The following FHIT variants were observed in gnomAD, a reference collection of about 807,000 sequenced individuals.
The protein encoded by FHIT is fragile histidine triad diadenosine triphosphatase.
Under a neutral mutation model 17.9 loss-of-function variants are expected in FHIT, and 19 were observed. That is an observed-to-expected ratio of 1.06 (90% CI 0.74 to 1.56). FHIT has a LOEUF of 1.56. Among genes scored for constraint, FHIT ranks in the 40% most tolerant of loss-of-function variants. The probability of loss-of-function intolerance (pLI) is 0.00; values close to 1 mark genes in which losing one functional copy is unlikely to be tolerated. For synonymous variants in FHIT, 81 were observed against 69.7 expected, an observed-to-expected ratio of 1.16 and a Z score of -0.81; for missense variants, 248 against 189.2, an observed-to-expected ratio of 1.31 and a Z score of -1.82.
At chr3:59,839,249 C>T (rs979276885) in intron 8 of FHIT, among the ~76,000 whole-genome samples, 1 of 149,892 alleles carries the variant, frequency 6.7e-6, no homozygotes, top group African/African-American at 2.5e-5. Context: ...ACCCGGGATG[C>T]AGAGGTTGCA....
intron 1 of FHIT, among the ~76,000 whole-genome samples, chr3:61,214,860 A>G (rs1422428358): frequency 2.0e-5 from 3 of 152,234 alleles, no homozygotes; most frequent in Non-Finnish European, 4.4e-5. Context: ...AATGTATGCA[A>G]ATCAGTAAAT....
At chr3:59,944,602 G>T (rs533253213) in intron 7 of FHIT, among the ~76,000 whole-genome samples, 1 of 151,838 alleles carries the variant, frequency 6.6e-6, no homozygotes, top group Non-Finnish European at 1.5e-5. Context: ...CAGGGGTTTC[G>T]TATAAATATT....
intron 5 of FHIT, among the ~76,000 whole-genome samples, chr3:60,361,103 T>C (rs999529888): frequency 6.6e-6 from 1 of 152,210 alleles, no homozygotes; most frequent in African/African-American, 2.4e-5. Flanking sequence ...CATCCGTTCA[T>C]CCAATAAACA....
chr3:59,829,442 T>A (rs1465060274), intron 8 of FHIT, among the ~76,000 whole-genome samples: 1 of 152,152 alleles, frequency 6.6e-6, no homozygotes, highest in African/African-American at 2.4e-5. Flanking sequence ...CAAAATTAGA[T>A]CTGTGGGAGA....
At chr3:60,024,274 C>A (rs1030570577) in intron 5 of FHIT, among the ~76,000 whole-genome samples, 2 of 152,148 alleles carry the variant, frequency 1.3e-5, no homozygotes, top group Non-Finnish European at 2.9e-5. Flanking sequence ...ACACTTAACA[C>A]TAATTTGGCA....
At chr3:60,490,337 T>A (rs552046796) in intron 5 of FHIT, among the ~76,000 whole-genome samples, 2 of 152,256 alleles carry the variant, frequency 1.3e-5, no homozygotes, top group South Asian at 4.1e-4. Context: ...CAAAATGTGT[T>A]ATGGGTTCTG....
intron 8 of FHIT, among the ~76,000 whole-genome samples, chr3:59,903,632 A>G (rs1170565195): frequency 6.6e-6 from 1 of 152,188 alleles, no homozygotes; most frequent in Non-Finnish European, 1.5e-5. Flanking sequence ...GGTGAGGTCT[A>G]GAAGAGGAGG....
Position 59,857,705 on chromosome 3 carries a change from G to GTTTTTTTTTTTTT in FHIT, c.348+64628_348+64640dup, listed in dbSNP as rs78150569. Among the ~76,000 whole-genome samples the GTTTTTTTTTTTTT allele has an allele frequency of 9.0e-3, 1,042 of 115,252 alleles. 57 individuals carry two copies. The highest frequency in any genetic ancestry group is 0.035 in the African/African-American group (976 of 27,556). 75.6% of individuals were successfully genotyped at this position (115,252 alleles called of 152,430 possible). A position where few individuals can be genotyped will look rare whatever the true frequency, so the allele number is the denominator to read the frequency against. The stretch of plus-strand genomic sequence containing the variant: ...ATGACTATGCTGTGCAAAGTGCTGG[G>GTTTTTTTTTTTTT]TTTTTTTTTTTTTTTTTGTATCCTA... On this transcript the variant is annotated intron_variant, in intron 8 of 9. Transcript: ENST00000492590.
At chr3:60,368,961 G>C (rs1700217375) in intron 5 of FHIT, among the ~76,000 whole-genome samples, 1 of 151,088 alleles carries the variant, frequency 6.6e-6, no homozygotes, top group Non-Finnish European at 1.5e-5. Flanking sequence ...TTTCAATCAT[G>C]GCACTTTTCT....
chr3:61,249,348 G>A (rs974463527), intron 1 of FHIT, among the ~76,000 whole-genome samples: 1 of 152,212 alleles, frequency 6.6e-6, no homozygotes, highest in African/African-American at 2.4e-5. Flanking sequence ...TATATATATG[G>A]AATCTTTATT....
chr3:60,947,505 T>A (rs955258946), intron 3 of FHIT, among the ~76,000 whole-genome samples: 1 of 152,252 alleles, frequency 6.6e-6, no homozygotes, highest in Non-Finnish European at 1.5e-5. Flanking sequence ...GCTGTTTGCA[T>A]TTCTATTAAA....
chr3:59,965,315 T>C (rs1707875872), intron 7 of FHIT, among the ~76,000 whole-genome samples: 1 of 152,124 alleles, frequency 6.6e-6, no homozygotes, highest in South Asian at 2.1e-4. Context: ...ATATATCTGA[T>C]TTAAACACAT....
At chr3:60,256,901 A>G (rs533998780) in intron 5 of FHIT, among the ~76,000 whole-genome samples, 1 of 152,326 alleles carries the variant, frequency 6.6e-6, no homozygotes, top group East Asian at 1.9e-4. Flanking sequence ...TGTGGAACCT[A>G]CGCAATGTCT....
chr3:60,071,740 C>A (rs897124639), intron 5 of FHIT, among the ~76,000 whole-genome samples: 1 of 152,212 alleles, frequency 6.6e-6, no homozygotes, highest in African/African-American at 2.4e-5. Context: ...CCACCCAAAT[C>A]TCATCTTGAA....
rs572975636 is a variant in FHIT, at chr3:60,386,126, G to A, written c.103+150734C>T. On this transcript the variant is annotated intron_variant, in intron 5 of 9. Transcript: ENST00000492590. ...CAGAGCAACCATGTGGCAGAACCAAGATTTCAAGATTTGAGCCCCGGCAGT... is the reference window on the plus strand; with the variant it reads ...CAGAGCAACCATGTGGCAGAACCAAAATTTCAAGATTTGAGCCCCGGCAGT... Among the ~76,000 whole-genome samples the A allele has an allele frequency of 8.5e-5, 13 of 152,218 alleles. No homozygotes were observed. In the South Asian group the frequency reaches 2.3e-3, roughly 27 times the overall value.
intron 8 of FHIT, among the ~76,000 whole-genome samples, chr3:59,889,634 G>C (rs1328986340): frequency 6.6e-6 from 1 of 152,176 alleles, no homozygotes; most frequent in Non-Finnish European, 1.5e-5. Context: ...ACTACAACGT[G>C]GTTGGAATGC....
chr3:60,233,752 G>A (rs1225167747), intron 5 of FHIT, among the ~76,000 whole-genome samples: 6 of 152,058 alleles, frequency 3.9e-5, no homozygotes, highest in Non-Finnish European at 8.8e-5. Context: ...GAATCATGGG[G>A]GCAGGTCTTT....
chr3:60,523,138 G>C (rs540919623), intron 5 of FHIT, among the ~76,000 whole-genome samples: 1 of 152,038 alleles, frequency 6.6e-6, no homozygotes, highest in African/African-American at 2.4e-5. Context: ...TATCTCCCAC[G>C]GGCTCCCTCC....
chr3:60,502,606 T>C (rs1446415417), intron 5 of FHIT, among the ~76,000 whole-genome samples: 1 of 152,170 alleles, frequency 6.6e-6, no homozygotes, highest in East Asian at 1.9e-4. Flanking sequence ...AAAGATCTTG[T>C]TTAATCATTT....
Sources: gnomAD v4.1 joint callset for allele counts (sites outside exome capture counted in the v4.1 genomes callset) on GRCh38, gnomAD v4.1.1 for gene constraint, MANE v1.5 for transcripts, NCBI Gene and HGNC (gene_info 2026-07-23, HGNC 2026-07-21) for gene names.